Variants in IGFBP3 observed in about 807,000 individuals in gnomAD.
The protein encoded by IGFBP3 is insulin like growth factor binding protein 3, also known as insulin-like growth factor-binding protein 3.
IGFBP3 carries 9 observed loss-of-function variants against 28.6 expected under a neutral mutation model. The observed-to-expected ratio is 0.31, with a 90% CI of 0.19 to 0.55. The LOEUF is 0.55. IGFBP3 is among the 20% of genes least tolerant of loss of function. The pLI is 0.93. For synonymous variants in IGFBP3, 185 were observed against 188.2 expected (o/e 0.98, Z 0.14); for missense variants, 382 against 428.9 (o/e 0.89, Z 0.97).
rs1784554793 is a variant in IGFBP3, at chr7:45,912,309, G to A, written c.*1541C>T. ...ATTATATAATAAAATAAAATAATTA[G>A]TGATACAAAGCCCAGAGATGGTCAA... On this transcript the variant is annotated 3_prime_UTR_variant, in exon 5 of 5. Coordinates refer to ENST00000613132, the MANE Select transcript of IGFBP3 (RefSeq NM_000598.5). 1 of 151,470 alleles carries A rather than the reference G, an allele frequency of 6.6e-6. No homozygotes were observed. Among genetic ancestry groups the A allele is most frequent in the African/African-American group, 2.4e-5 (1 of 41,422 alleles). 9.4% of individuals were successfully genotyped at this position (151,470 alleles called of 1,614,324 possible).
In IGFBP3 at chr7:45,921,176, G is replaced by A; in HGVS notation, c.-36C>T. 6.7e-7 allele frequency: 1 copy of A among 1,503,280 alleles called. No homozygotes were observed. The highest frequency in any genetic ancestry group is 1.4e-5 in the African/African-American group (1 of 69,040). 93.1% of individuals were successfully genotyped at this position (1,503,280 alleles called of 1,614,324 possible). A position where few individuals can be genotyped will look rare whatever the true frequency, so the allele number is the denominator to read the frequency against. ...ACCGGGGCACGCTGCTTGGCAGGCT[G>A]GGCGCGCAGGGATGGGGCGACAGTA... On this transcript the variant is annotated 5_prime_UTR_variant, in exon 1 of 5. Coordinates refer to ENST00000613132, the MANE Select transcript of IGFBP3 (RefSeq NM_000598.5).
chr7:45,921,062 C>T lies in IGFBP3; in HGVS notation c.79G>A (p.Ala27Thr), dbSNP rs1784683091. 6.9e-7 allele frequency: 1 copy of T among 1,450,324 alleles called. No homozygotes were observed. Among genetic ancestry groups the T allele is most frequent in the Non-Finnish European group, 9.0e-7 (1 of 1,109,132 alleles). The allele number at this position is 1,450,324 out of a possible 1,614,324, so 89.8% of individuals were successfully genotyped here. A position where few individuals can be genotyped will look rare whatever the true frequency, so the allele number is the denominator to read the frequency against. ...CCCAAGCCCGCCGAGCTCGCGCCAG[C>T]CCGCGCCACCGGCGGCCCGCGGAGC... is the stretch of plus-strand genomic sequence containing the variant. Reference protein sequence around the residue: ...VLLRGPPVARAGASSAGLGPV... With the variant: ...VLLRGPPVARTGASSAGLGPV... Residue 27 changes from alanine (A) to threonine (T), a missense_variant, in exon 1 of 5, where the codon GCT becomes ACT. Transcript: ENST00000613132.
At chr7:45,919,839 T>C (rs1272548431) in intron 1 of IGFBP3, among the ~76,000 whole-genome samples, 2 of 152,144 alleles carry the variant, frequency 1.3e-5, no homozygotes, top group African/African-American at 2.4e-5. Context: ...CTGATACTGA[T>C]AGTGGCTAAG....
At position 45,921,246 on chromosome 7, in the gene IGFBP3, C is replaced by A. The variant is rs1025557811; in HGVS notation, c.-106G>T. Reference sequence around the variant, plus strand: ...ATCCAGGCAGGAAGCGGCTGATCCTCAGCGCCCAGCCGCAGTGCTCGCATC... The same window carrying A: ...ATCCAGGCAGGAAGCGGCTGATCCTAAGCGCCCAGCCGCAGTGCTCGCATC... On this transcript the variant is annotated 5_prime_UTR_variant, in exon 1 of 5. It introduces an in-frame stop codon into an upstream open reading frame of the 5' UTR. Coordinates refer to ENST00000613132, the MANE Select transcript of IGFBP3 (RefSeq NM_000598.5). 25 of 1,329,324 alleles carry A rather than the reference C, an allele frequency of 1.9e-5. No homozygotes were observed. In the East Asian group the frequency reaches 6.5e-4, roughly 35 times the overall value. 82.3% of individuals were successfully genotyped at this position (1,329,324 alleles called of 1,614,324 possible).
Position 45,914,911 on chromosome 7 carries a change from C to A in IGFBP3, c.785G>T (p.Cys262Phe). The part of the protein sequence containing the change: ...RPSKGRKRGF[C>F]WCVDKYGQPL... ...CTGCCCATACTTATCCACACACCAG[C>A]AGAAGCCCCGCTTCCTGCCTTTGGA... is the stretch of plus-strand genomic sequence containing the variant. The change falls in exon 4 of 5, where the codon TGC becomes TTC. Residue 262 changes from cysteine to phenylalanine, a missense_variant. Cys to Phe is a radical substitution (Grantham distance 205). Transcript: ENST00000613132. 6.2e-7 allele frequency: 1 copy of A among 1,614,170 alleles called. No individual in the cohort carries two copies. Among genetic ancestry groups the A allele is most frequent in the Non-Finnish European group, 8.5e-7 (1 of 1,180,026 alleles).
At chr7:45,918,653 A>G (rs1784644980) in intron 1 of IGFBP3, among the ~76,000 whole-genome samples, 1 of 152,212 alleles carries the variant, frequency 6.6e-6, no homozygotes, top group South Asian at 2.1e-4. Context: ...CAGGGAGCTC[A>G]GGTGGCCCAT....
Position 45,921,033 on chromosome 7 carries a change from G to A in IGFBP3, c.108C>T (p.Pro36=). Residue 36 remains proline, a synonymous_variant, in exon 1 of 5, where the codon CCC becomes CCT. Transcript: ENST00000613132. ...RAGASSAGLG[P]VVRCEPCDAR... ...CGTCGCACGGCTCGCAGCGCACCACGGGACCCAAGCCCGCCGAGCTCGCGC... is the reference window on the plus strand; with the variant it reads ...CGTCGCACGGCTCGCAGCGCACCACAGGACCCAAGCCCGCCGAGCTCGCGC... 1 of 1,432,250 alleles carries A rather than the reference G, an allele frequency of 7.0e-7. No homozygotes were observed. The highest frequency in any genetic ancestry group is 9.1e-7 in the Non-Finnish European group (1 of 1,100,482). The allele number at this position is 1,432,250 out of a possible 1,614,324, so 88.7% of individuals were successfully genotyped here.
At chr7:45,920,681 C>A (rs1784672601) in intron 1 of IGFBP3, 57 bp downstream of exon 1, 4 of 1,316,484 alleles carry the variant, frequency 3.0e-6, no homozygotes, top group Non-Finnish European at 3.9e-6. Context: ...ACCCCCAGGC[C>A]CTTCGGCGCC....
intron 2 of IGFBP3, 114 bp downstream of exon 2, chr7:45,917,099 C>T (rs914395872): frequency 6.0e-5 from 49 of 820,182 alleles, no homozygotes; most frequent in Non-Finnish European, 7.9e-5. Flanking sequence ...AGGGGTTGCC[C>T]ACCCATCAGC....
chr7:45,915,610 A>C (rs1323974903), intron 3 of IGFBP3, among the ~76,000 whole-genome samples: 1 of 149,576 alleles, frequency 6.7e-6, no homozygotes, highest in Non-Finnish European at 1.5e-5. Context: ...ACTATATCTT[A>C]AATTTGTTTG....
At chr7:45,915,547 T>C (rs1784598304) in intron 3 of IGFBP3, among the ~76,000 whole-genome samples, 1 of 152,170 alleles carries the variant, frequency 6.6e-6, no homozygotes, top group South Asian at 2.1e-4. Context: ...ATTGAAATAG[T>C]GCCATCACAT....
chr7:45,916,179 AGTT>A lies in IGFBP3; in HGVS notation c.750+366_750+368del, dbSNP rs1436343988. Among the ~76,000 whole-genome samples, 4 of 152,258 alleles carry A rather than the reference AGTT, an allele frequency of 2.6e-5. 1 individual carries two copies. The South Asian group carries it at 8.3e-4, about 32-fold the overall frequency. On this transcript the variant is annotated intron_variant, in intron 3 of 4. Transcript: ENST00000613132. ...ACACTTCTTGGAAACTGACTATAATAGTTGTTTGAAATGTCACTCCCTGACGCA... is the reference window on the plus strand; with the variant it reads ...ACACTTCTTGGAAACTGACTATAATAGTTTGAAATGTCACTCCCTGACGCA...
rs919398918 is a variant in IGFBP3, at chr7:45,913,702, C to G, written c.*148G>C. ...AAGAAACCATAGGCATTTCAAAAAC[C>G]TCTTTCTAAACTTTGGTTTAAAAAA... On this transcript the variant is annotated 3_prime_UTR_variant, in exon 5 of 5. Transcript: ENST00000613132. 6.6e-6 allele frequency: 1 copy of G among 152,338 alleles called. No individual in the cohort carries two copies. The highest frequency in any genetic ancestry group is 2.4e-5 in the African/African-American group (1 of 41,430). 9.4% of individuals were successfully genotyped at this position (152,338 alleles called of 1,614,324 possible).
intron 3 of IGFBP3, among the ~76,000 whole-genome samples, chr7:45,915,982 A>G (rs1200448530): frequency 1.3e-5 from 2 of 152,222 alleles, no homozygotes; most frequent in Non-Finnish European, 2.9e-5. Context: ...CCCACTCACT[A>G]GCATTTCCTT....
chr7:45,917,277 T>C lies in IGFBP3; in HGVS notation c.566A>G (p.Asp189Gly). 2 of 1,614,126 alleles carry C rather than the reference T, an allele frequency of 1.2e-6. No homozygotes were observed. Among genetic ancestry groups the C allele is most frequent in the Non-Finnish European group, 1.7e-6 (2 of 1,180,034 alleles). ...HAKDSQRYKV[D>G]YESQSTDTQN... ...GGTATCTGTGCTCTGAGACTCGTAG[T>C]CAACTTTGTAGCGCTGGCTGTCTTT... The change falls in exon 2 of 5, where the codon GAC becomes GGC. Residue 189 changes from aspartate (D) to glycine (G), a missense_variant. Asp to Gly is a moderately conservative substitution (Grantham distance 94, BLOSUM62 -1). Coordinates refer to ENST00000613132, the MANE Select transcript of IGFBP3 (RefSeq NM_000598.5).
intron 1 of IGFBP3, 175 bp downstream of exon 1, chr7:45,920,563 G>A (rs1784670811): frequency 1.9e-6 from 1 of 515,460 alleles, no homozygotes; most frequent in Non-Finnish European, 3.1e-6. Flanking sequence ...GCCGGCTGGG[G>A]AGGGTCCCTC....
chr7:45,921,210 G>T lies in IGFBP3; in HGVS notation c.-70C>A. 1 of 1,463,506 alleles carries T rather than the reference G, an allele frequency of 6.8e-7. No individual in the cohort carries two copies. Among genetic ancestry groups the T allele is most frequent in the Non-Finnish European group, 9.2e-7 (1 of 1,091,630 alleles). 90.7% of individuals were successfully genotyped at this position (1,463,506 alleles called of 1,614,324 possible). ...GGGATGGGGCGACAGTACACGGCGC[G>T]AAGCTGTGGAATCCAGGCAGGAAGC... On this transcript the variant is annotated 5_prime_UTR_variant, in exon 1 of 5. Transcript: ENST00000613132.
intron 1 of IGFBP3, among the ~76,000 whole-genome samples, chr7:45,919,386 A>C (rs1200466276): frequency 6.6e-6 from 1 of 152,230 alleles, no homozygotes; most frequent in East Asian, 1.9e-4. Context: ...GGCAAATGAC[A>C]TAACTTTGCC....
At position 45,920,797 on chromosome 7, in the gene IGFBP3, A is replaced by T. The variant is rs1453318622; in HGVS notation, c.344T>A (p.Val115Asp). The T allele has an allele frequency of 1.4e-6, 2 of 1,415,030 alleles. No homozygotes were observed. Among genetic ancestry groups the T allele is most frequent in the South Asian group, 1.5e-5 (1 of 67,308 alleles). The allele number at this position is 1,415,030 out of a possible 1,614,324, so 87.7% of individuals were successfully genotyped here. The change falls in exon 1 of 5, where the codon GTC (valine) becomes GAC (aspartate). Residue 115 changes from valine to aspartate, a missense_variant. By Grantham distance (152) the Val-to-Asp change is radical. Transcript: ENST00000613132. Reference protein sequence around the residue: ...QALLDGRGLCVNASAVSRLRA... With the variant: ...QALLDGRGLCDNASAVSRLRA... The stretch of plus-strand genomic sequence containing the variant: ...CAGGCGGCTGACGGCACTAGCGTTG[A>T]CGCAGAGCCCGCGGCCGTCCAGCAG...
Sources: allele counts gnomAD v4.1 joint callset (sites outside exome capture counted in the v4.1 genomes callset), GRCh38; gene constraint gnomAD v4.1.1; transcripts MANE v1.5; gene names NCBI Gene and HGNC (gene_info 2026-07-23, HGNC 2026-07-21).